LRRC3C: variants seen among roughly 807,000 people sequenced by gnomAD.
LRRC3C encodes the protein leucine rich repeat containing 3C, also known as leucine-rich repeat-containing protein 3C.
In LRRC3C, 11 loss-of-function variants were observed where a neutral mutation model predicts 14.8. That is an observed-to-expected ratio of 0.74 (90% CI 0.47 to 1.23). The LOEUF (loss-of-function observed/expected upper bound fraction) is 1.23, where lower values mean the gene tolerates loss of function less well. Among genes scored for constraint, LRRC3C ranks in the 50% most tolerant of loss-of-function variants. LRRC3C has a pLI of 0.00. For missense variants in LRRC3C, 354 were observed against 361.8 expected, an observed-to-expected ratio of 0.98 and a Z score of 0.18; for synonymous variants, 149 against 161.5, an observed-to-expected ratio of 0.92 and a Z score of 0.59.
rs1051221869 is a variant in LRRC3C at position 39,944,221 on chromosome 17, G to T, written c.315G>T (p.Leu105=). Residue 105 remains leucine, a synonymous_variant, in exon 4 of 4, where the codon CTG becomes CTT. Transcript: ENST00000377924. ...PAGAFQHLPV[L]EELDLSHNAL... is the part of the protein sequence containing the mutation. ...GTGCCTTCCAGCACCTGCCTGTCCT[G>T]GAGGAGTTGGATCTGTCCCATAATG... is the stretch of plus-strand genomic sequence containing the variant. The T allele has an allele frequency of 2.6e-6, 4 of 1,535,768 alleles. No homozygotes were observed. Among genetic ancestry groups the T allele is most frequent in the Middle Eastern group, 1.7e-4 (1 of 6,008 alleles).
chr17:39,928,939 T>C lies in LRRC3C; in HGVS notation c.-175+1125T>C, dbSNP rs138369230. On this transcript the variant is annotated intron_variant, in intron 1 of 3. Coordinates refer to ENST00000377924, the MANE Select transcript of LRRC3C (RefSeq NM_001195545.2). ...CAGAACAGGCAGCTTCTTCAATATT[T>C]CCAGGGCCAATGGCCCCAAAAGGGC... is the stretch of plus-strand genomic sequence containing the variant. Among the ~76,000 whole-genome samples the C allele has an allele frequency of 9.2e-5, 14 of 152,280 alleles. No individual in the cohort carries two copies. In the East Asian group the frequency reaches 2.7e-3, roughly 29 times the overall value.
Position 39,944,461 on chromosome 17 carries a change from C to CGT in LRRC3C, c.561_562dup (p.Gly188ValfsTer47), listed in dbSNP as rs2144768546. 6.9e-7 allele frequency: 1 copy of CGT among 1,439,210 alleles called. No homozygotes were observed. The highest frequency in any genetic ancestry group is 1.4e-5 in the African/African-American group (1 of 70,254). 89.2% of individuals were successfully genotyped at this position (1,439,210 alleles called of 1,614,324 possible). On this transcript the variant is annotated frameshift_variant, in exon 4 of 4. Coordinates refer to ENST00000377924, the MANE Select transcript of LRRC3C (RefSeq NM_001195545.2). LOFTEE classifies it high-confidence loss of function. ...TGGTGCCGGGCACTGGGACAGGCAT[C>CGT]GTGTGTGGCTCAGGAGCCCGACCGG...
intron 1 of LRRC3C, among the ~76,000 whole-genome samples, chr17:39,931,778 TG>T (rs71152629): frequency 1 from 151,325 of 151,326 alleles, 75,662 homozygotes; most frequent in Middle Eastern, 1. Context: ...GCCTCCCGAG[TG>T]GGCTGGGATT....
chr17:39,937,379 T>G (rs1349992021), intron 2 of LRRC3C, among the ~76,000 whole-genome samples: 1 of 152,048 alleles, frequency 6.6e-6, no homozygotes, highest in Non-Finnish European at 1.5e-5. Context: ...GAGGTTTCAG[T>G]GAGCTGAGAT....
At chr17:39,940,333 C>T (rs1224793887) in intron 2 of LRRC3C, among the ~76,000 whole-genome samples, 1 of 152,214 alleles carries the variant, frequency 6.6e-6, no homozygotes, top group African/African-American at 2.4e-5. Flanking sequence ...GACGAGGTCC[C>T]ACAAGACCTC....
chr17:39,943,199 C>A (rs1056816951), intron 3 of LRRC3C, among the ~76,000 whole-genome samples: 2 of 152,174 alleles, frequency 1.3e-5, no homozygotes, highest in African/African-American at 4.8e-5. Context: ...CAGCTACGAG[C>A]AAACAGGGCT....
Position 39,944,895 on chromosome 17 carries a change from C to T in LRRC3C, c.*161C>T, listed in dbSNP as rs1347981922. 2 of 669,636 alleles carry T rather than the reference C, an allele frequency of 3.0e-6. No individual in the cohort carries two copies. The highest frequency in any genetic ancestry group is 5.6e-5 in the East Asian group (2 of 35,812). 41.5% of individuals were successfully genotyped at this position (669,636 alleles called of 1,614,324 possible). A position where few individuals can be genotyped will look rare whatever the true frequency, so the allele number is the denominator to read the frequency against. ...CTAAATACCTGTGCTGGTTCTCTCT[C>T]TCTCTCTCTGTGTCGTCTTAACCAA... is the stretch of plus-strand genomic sequence containing the variant. On this transcript the variant is annotated 3_prime_UTR_variant, in exon 4 of 4. Transcript: ENST00000377924.
chr17:39,943,832 C>T lies in LRRC3C; in HGVS notation c.27-101C>T, dbSNP rs530734137. On this transcript the variant is annotated intron_variant, in intron 3 of 3. Transcript: ENST00000377924. ...AAGCCCCCAGAGAAGAGGCCCCAGC[C>T]CAAAAAGACTCCCCAGAGGGACCTC... 1,986 of 1,178,622 alleles carry T rather than the reference C, an allele frequency of 1.7e-3. 2 individuals are homozygous for T. The highest frequency in any genetic ancestry group is 2.2e-3 in the Middle Eastern group (11 of 5,004). 73.0% of individuals were successfully genotyped at this position (1,178,622 alleles called of 1,614,324 possible). A position where few individuals can be genotyped will look rare whatever the true frequency, so the allele number is the denominator to read the frequency against.
At chr17:39,931,091 G>A (rs1242462069) in intron 1 of LRRC3C, among the ~76,000 whole-genome samples, 2 of 150,766 alleles carry the variant, frequency 1.3e-5, no homozygotes, top group Non-Finnish European at 3.0e-5. Flanking sequence ...GCAGTGAGCC[G>A]AGATCGTGCC....
intron 2 of LRRC3C, 55 bp from the exon 3 acceptor site, chr17:39,941,388 G>A (rs1390778839): frequency 1.2e-5 from 6 of 519,668 alleles, no homozygotes; most frequent in African/African-American, 6.2e-5. Flanking sequence ...ATTCTTAACA[G>A]GTTTTTGAAA....
rs900012098 is a variant in LRRC3C at position 39,944,457 on chromosome 17, G to A, written c.551G>A (p.Gly184Asp). The part of the protein sequence containing the change: ...QVRLVPGTGT[G>D]IVCGSGARPD... ...AGGCTGGTGCCGGGCACTGGGACAGGCATCGTGTGTGGCTCAGGAGCCCGA... is the reference window on the plus strand; with the variant it reads ...AGGCTGGTGCCGGGCACTGGGACAGACATCGTGTGTGGCTCAGGAGCCCGA... The change falls in exon 4 of 4, where the codon GGC (glycine) becomes GAC (aspartate). Residue 184 changes from glycine to aspartate, a missense_variant. By Grantham distance (94) the Gly-to-Asp change is moderately conservative. Coordinates refer to ENST00000377924, the MANE Select transcript of LRRC3C (RefSeq NM_001195545.2). The A allele has an allele frequency of 2.7e-6, 4 of 1,487,782 alleles. No homozygotes were observed. The African/African-American group carries it at 5.6e-5, about 21-fold the overall frequency. The allele number at this position is 1,487,782 out of a possible 1,614,324, so 92.2% of individuals were successfully genotyped here.
chr17:39,932,147 T>C (rs1978666586), intron 1 of LRRC3C, among the ~76,000 whole-genome samples: 1 of 152,174 alleles, frequency 6.6e-6, no homozygotes, highest in Non-Finnish European at 1.5e-5. Flanking sequence ...CTCTCTGTGC[T>C]TCAGTTACCT....
chr17:39,938,161 C>T (rs973382861), intron 2 of LRRC3C, among the ~76,000 whole-genome samples: 7 of 152,118 alleles, frequency 4.6e-5, no homozygotes, highest in African/African-American at 1.7e-4. Flanking sequence ...CATTACCAGA[C>T]ACATGCCACA....
chr17:39,932,217 T>A (rs1392172817), intron 1 of LRRC3C, among the ~76,000 whole-genome samples: 3 of 152,192 alleles, frequency 2.0e-5, no homozygotes, highest in African/African-American at 4.8e-5. Flanking sequence ...TAAATGAAGA[T>A]GGCGATGATC....
intron 2 of LRRC3C, among the ~76,000 whole-genome samples, chr17:39,938,715 C>T (rs1051418562): frequency 5.9e-5 from 9 of 151,870 alleles, no homozygotes; most frequent in Non-Finnish European, 1.3e-4. Flanking sequence ...GGCTGGTGCA[C>T]TGGCTCACAC....
intron 2 of LRRC3C, among the ~76,000 whole-genome samples, chr17:39,938,430 G>A (rs773473271): frequency 3.9e-5 from 6 of 151,908 alleles, no homozygotes; most frequent in African/African-American, 1.2e-4. Flanking sequence ...GGCCAGGCAC[G>A]GTGGCTCACG....
chr17:39,944,120 G>T lies in LRRC3C; in HGVS notation c.214G>T (p.Ala72Ser). 1.3e-6 allele frequency: 2 copies of T among 1,536,218 alleles called. No homozygotes were observed. Among genetic ancestry groups the T allele is most frequent in the Non-Finnish European group, 1.7e-6 (2 of 1,146,940 alleles). Residue 72 changes from alanine to serine, a missense_variant, in exon 4 of 4, where the codon GCT becomes TCT. Ala to Ser is a moderately conservative substitution (Grantham distance 99). Transcript: ENST00000377924. ...TFRCSQAGLS[A>S]VPSGIPNDTR... ...CCGCTGCAGCCAGGCAGGCCTCAGT[G>T]CTGTGCCCTCCGGCATCCCCAATGA...
chr17:39,936,001 A>G (rs1978785441), intron 2 of LRRC3C, 107 bp downstream of exon 2: 5 of 514,656 alleles, frequency 9.7e-6, no homozygotes, highest in Non-Finnish European at 1.2e-5. Flanking sequence ...GAGGTCTCCA[A>G]CATCAGGGAG....
intron 2 of LRRC3C, among the ~76,000 whole-genome samples, chr17:39,937,083 G>C (rs1978817840): frequency 6.6e-6 from 1 of 152,006 alleles, no homozygotes; most frequent in Admixed American, 6.6e-5. Context: ...ATTGCAGTGA[G>C]CCGAGATCAA....
Sources: allele counts gnomAD v4.1 joint callset (sites outside exome capture counted in the v4.1 genomes callset), GRCh38; gene constraint gnomAD v4.1.1; transcripts MANE v1.5; gene names NCBI Gene and HGNC (gene_info 2026-07-23, HGNC 2026-07-21).